The following CHD6 variants were observed in gnomAD, a reference collection of about 807,000 sequenced individuals.
CHD6 encodes the protein chromodomain helicase DNA binding protein 6, also known as ATP-dependent chromatin remodeler CHD6.
CHD6 carries 50 observed loss-of-function variants against 276.9 expected under a neutral mutation model. The ratio of observed to expected loss-of-function variants is 0.18; its 90% CI spans 0.14 to 0.23. The LOEUF (loss-of-function observed/expected upper bound fraction) is 0.23. Ranked by LOEUF, CHD6 falls within the 10% of genes least tolerant of loss-of-function variation. The probability of loss-of-function intolerance (pLI) is 1.00; values close to 1 mark genes in which losing one functional copy is unlikely to be tolerated. For missense variants in CHD6, 2,564 were observed against 3,365.8 expected (o/e 0.76, Z 5.89); for synonymous variants, 1,173 against 1,229.3 (o/e 0.95, Z 0.96).
chr20:41,510,655 TGTTA>T (rs568382196), intron 5 of CHD6, among the ~76,000 whole-genome samples: 88 of 152,380 alleles, frequency 5.8e-4, no homozygotes, highest in Non-Finnish European at 1.1e-3. Context: ...GAATTATTTC[TGTTA>T]GTTAGATCAG....
chr20:41,537,568 T>G (rs971858513), intron 2 of CHD6, among the ~76,000 whole-genome samples: 2 of 152,080 alleles, frequency 1.3e-5, no homozygotes, highest in Admixed American at 6.6e-5. Context: ...ATCCCCAGAA[T>G]AGGAGAAAAT....
At chr20:41,477,714 G>T (rs1006673529) in intron 16 of CHD6, among the ~76,000 whole-genome samples, 9 of 152,148 alleles carry the variant, frequency 5.9e-5, no homozygotes, top group African/African-American at 2.2e-4. Flanking sequence ...TTTGAAGAAG[G>T]CAGAATCCCA....
intron 3 of CHD6, among the ~76,000 whole-genome samples, chr20:41,522,358 A>G (rs1601077106): frequency 6.8e-6 from 1 of 147,814 alleles, no homozygotes; most frequent in Non-Finnish European, 1.5e-5. Context: ...AAAAAACAAA[A>G]TAACAAACCA....
intron 8 of CHD6, among the ~76,000 whole-genome samples, chr20:41,495,636 G>GA (rs1409464104): frequency 6.6e-6 from 1 of 151,766 alleles, no homozygotes; most frequent in Non-Finnish European, 1.5e-5. Flanking sequence ...AAAAAAGAAA[G>GA]AAAAAAAACC....
At chr20:41,555,207 C>T (rs1352083439) in intron 1 of CHD6, among the ~76,000 whole-genome samples, 11 of 132,666 alleles carry the variant, frequency 8.3e-5, no homozygotes, top group Admixed American at 2.2e-4. Flanking sequence ...CCTCACCTCC[C>T]GGATGGGGCG....
chr20:41,414,716 C>T (rs2046941447), intron 34 of CHD6: 1 of 541,852 alleles, frequency 1.8e-6, no homozygotes, highest in Non-Finnish European at 2.5e-6. Flanking sequence ...CCACTTTACA[C>T]AGGAGCAAAG....
rs139439828 is a variant in CHD6 at position 41,451,760 on chromosome 20, G to A, written c.3523+66C>T. The A allele has an allele frequency of 2.2e-5, 30 of 1,384,992 alleles. No homozygotes were observed. In the East Asian group the frequency reaches 5.0e-4, roughly 23 times the overall value. The allele number at this position is 1,384,992 out of a possible 1,614,324, so 85.8% of individuals were successfully genotyped here. On this transcript the variant is annotated intron_variant, in intron 22 of 36. Transcript: ENST00000373233. The stretch of plus-strand genomic sequence containing the variant: ...CCCCAAAGCACAGCAATACGGCCCC[G>A]CAGAGGAAGAGGGGATGAAGTGCAT...
At chr20:41,496,860 A>C (rs2043699349) in intron 8 of CHD6, 1 of 157,018 alleles carries the variant, frequency 6.4e-6, no homozygotes, top group African/African-American at 2.4e-5. Flanking sequence ...TAACACATTA[A>C]GGTTAAGGTT....
At chr20:41,429,426 G>T (rs2047464998) in intron 27 of CHD6, among the ~76,000 whole-genome samples, 1 of 152,198 alleles carries the variant, frequency 6.6e-6, no homozygotes, top group African/African-American at 2.4e-5. Flanking sequence ...CTGTAACTTA[G>T]ATCATTTCAA....
chr20:41,427,750 T>A (rs924001735), intron 27 of CHD6, among the ~76,000 whole-genome samples: 1 of 152,240 alleles, frequency 6.6e-6, no homozygotes, highest in African/African-American at 2.4e-5. Context: ...CCAGGGCTGA[T>A]CTACTGTACC....
At chr20:41,444,988 C>T (rs2048019979) in intron 25 of CHD6, among the ~76,000 whole-genome samples, 1 of 152,188 alleles carries the variant, frequency 6.6e-6, no homozygotes, top group African/African-American at 2.4e-5. Context: ...GTGTATCAGG[C>T]ATACTATGGG....
intron 26 of CHD6, among the ~76,000 whole-genome samples, chr20:41,439,033 G>A (rs2047810634): frequency 6.6e-6 from 1 of 152,170 alleles, no homozygotes; most frequent in African/African-American, 2.4e-5. Context: ...TACTTTTGGG[G>A]AGAAACTAAG....
intron 36 of CHD6, among the ~76,000 whole-genome samples, chr20:41,409,853 C>G (rs2046791172): frequency 6.6e-6 from 1 of 152,166 alleles, no homozygotes; most frequent in South Asian, 2.1e-4. Flanking sequence ...AATGGCCCAG[C>G]AAAACCTCAA....
intron 17 of CHD6, among the ~76,000 whole-genome samples, chr20:41,464,325 T>C (rs901504351): frequency 6.6e-6 from 1 of 152,194 alleles, no homozygotes; most frequent in Non-Finnish European, 1.5e-5. Flanking sequence ...CTAAGCAACT[T>C]TGGCAAATAG....
chr20:41,457,566 C>A, intron 17 of CHD6, 138 bp from the exon 18 acceptor site: 1 of 1,060,414 alleles, frequency 9.4e-7, no homozygotes, highest in East Asian at 2.6e-5. Context: ...GATTTCAGAA[C>A]AGAATTTATA....
At chr20:41,485,046 G>A (rs2043380830) in intron 14 of CHD6, among the ~76,000 whole-genome samples, 1 of 152,150 alleles carries the variant, frequency 6.6e-6, no homozygotes, top group Admixed American at 6.5e-5. Context: ...GAGATGATCT[G>A]GAAAACAATT....
At chr20:41,601,151 T>G (rs2045769372) in intron 1 of CHD6, among the ~76,000 whole-genome samples, 1 of 152,216 alleles carries the variant, frequency 6.6e-6, no homozygotes, top group Non-Finnish European at 1.5e-5. Flanking sequence ...TGGGAAGTTC[T>G]TCCTAACCTC....
chr20:41,539,447 G>C (rs933589161), intron 2 of CHD6, among the ~76,000 whole-genome samples: 1 of 152,174 alleles, frequency 6.6e-6, no homozygotes. Context: ...GCCAGTATAA[G>C]TAAGTCTTCT....
intron 1 of CHD6, among the ~76,000 whole-genome samples, chr20:41,575,326 T>C (rs114543844): frequency 0.01 from 1,560 of 152,332 alleles, 25 homozygotes; most frequent in African/African-American, 0.033. Context: ...TTTTGTTCAA[T>C]TCTTTGTTCA....
Sources: gnomAD v4.1 joint callset for allele counts (sites outside exome capture counted in the v4.1 genomes callset) on GRCh38, gnomAD v4.1.1 for gene constraint, MANE v1.5 for transcripts, NCBI Gene and HGNC (gene_info 2026-07-23, HGNC 2026-07-21) for gene names.